Variants in KIAA1671 observed in about 807,000 individuals in gnomAD.
KIAA1671 encodes the protein uncharacterized protein KIAA1671.
KIAA1671 carries 52 observed loss-of-function variants against 131.2 expected under a neutral mutation model. That is an observed-to-expected ratio of 0.40 (90% CI 0.32 to 0.50). KIAA1671 has a LOEUF of 0.50. KIAA1671 is among the 20% of genes least tolerant of loss of function. The pLI is 0.73. For missense variants in KIAA1671, 2,360 were observed against 2,364.2 expected (o/e 1.00, Z 0.04); for synonymous variants, 1,003 against 961.6 (o/e 1.04, Z -0.80).
chr22:25,163,170 A>C (rs1601371705), intron 6 of KIAA1671, among the ~76,000 whole-genome samples: 2 of 151,984 alleles, frequency 1.3e-5, no homozygotes, highest in African/African-American at 4.8e-5. Flanking sequence ...TCTACAAAAA[A>C]TACAAAAATT....
chr22:25,041,079 G>T lies in KIAA1671; in HGVS notation c.3949G>T (p.Asp1317Tyr). ...TCCAGGGGGCTCTCCTATACCTGCG[G>T]ATCCCAGGAAAAAAACGGGGTTTGC... ...RYPGGSPIPA[D>Y]PRKKTGFAED... The change falls in exon 5 of 13, where the codon GAT becomes TAT. Residue 1317 changes from aspartate to tyrosine, a missense_variant. Coordinates refer to ENST00000358431, the MANE Select transcript of KIAA1671 (RefSeq NM_001145206.2). 1 of 1,539,106 alleles carries T rather than the reference G, an allele frequency of 6.5e-7. No homozygotes were observed. The highest frequency in any genetic ancestry group is 8.8e-7 in the Non-Finnish European group (1 of 1,140,664).
chr22:25,122,980 AAAAAC>A (rs1932015802), intron 6 of KIAA1671, among the ~76,000 whole-genome samples: 1 of 151,960 alleles, frequency 6.6e-6, no homozygotes, highest in African/African-American at 2.4e-5. Context: ...ATCTCACAAA[AAAAAC>A]AAAAACAGTC....
At chr22:25,035,192 C>T (rs1279284572) in intron 4 of KIAA1671, among the ~76,000 whole-genome samples, 5 of 151,882 alleles carry the variant, frequency 3.3e-5, no homozygotes, top group East Asian at 3.9e-4. Flanking sequence ...ACTACAGGCA[C>T]GTGCCTCTAT....
At chr22:25,003,040 TG>T (rs2123864507) in intron 1 of KIAA1671, among the ~76,000 whole-genome samples, 1 of 152,308 alleles carries the variant, frequency 6.6e-6, no homozygotes, top group African/African-American at 2.4e-5. Flanking sequence ...CCCAAAGTGC[TG>T]GGATTACAGG....
At chr22:25,007,279 A>C (rs537173901) in intron 1 of KIAA1671, among the ~76,000 whole-genome samples, 5 of 152,190 alleles carry the variant, frequency 3.3e-5, no homozygotes, top group African/African-American at 1.2e-4. Flanking sequence ...CGAGGTCAAG[A>C]GATCGAGACC....
In KIAA1671 at chr22:25,177,328, C is replaced by T. The variant is rs900376520; in HGVS notation, c.4900-20C>T. On this transcript the variant is annotated intron_variant, in intron 8 of 12. Coordinates refer to ENST00000358431, the MANE Select transcript of KIAA1671 (RefSeq NM_001145206.2). Reference sequence around the variant, plus strand: ...TGGTTCCCTTGATTTTTTTCCTCTTCCTCCCTGCTGCTCCCAAAGCAAACC... The same window carrying T: ...TGGTTCCCTTGATTTTTTTCCTCTTTCTCCCTGCTGCTCCCAAAGCAAACC... 22 of 1,530,822 alleles carry T rather than the reference C, an allele frequency of 1.4e-5. 1 individual carries two copies. Among genetic ancestry groups the T allele is most frequent in the South Asian group, 4.9e-5 (4 of 82,304 alleles). 94.8% of individuals were successfully genotyped at this position (1,530,822 alleles called of 1,614,324 possible).
intron 6 of KIAA1671, among the ~76,000 whole-genome samples, chr22:25,108,992 G>A (rs1308736198): frequency 6.6e-6 from 1 of 152,160 alleles, no homozygotes; most frequent in African/African-American, 2.4e-5. Context: ...GGGTTTCTGT[G>A]TGTGACTGCT....
At chr22:25,129,964 G>T (rs1932360967) in intron 6 of KIAA1671, among the ~76,000 whole-genome samples, 1 of 152,178 alleles carries the variant, frequency 6.6e-6, no homozygotes, top group Admixed American at 6.5e-5. Context: ...TAACAGACAG[G>T]GTGCAGTGGC....
chr22:25,110,622 C>T (rs1048280018), intron 6 of KIAA1671, among the ~76,000 whole-genome samples: 1 of 152,218 alleles, frequency 6.6e-6, no homozygotes, highest in East Asian at 1.9e-4. Flanking sequence ...GATCCAGCTG[C>T]TGCCCACCCC....
chr22:25,130,189 G>A (rs767627584), intron 6 of KIAA1671, among the ~76,000 whole-genome samples: 5 of 152,136 alleles, frequency 3.3e-5, no homozygotes, highest in Admixed American at 6.5e-5. Flanking sequence ...ATATTTTGGA[G>A]GTATGATTTA....
At position 25,193,040 on chromosome 22, in the gene KIAA1671, C is replaced by T. The variant is rs971860020; in HGVS notation, c.*639C>T. On this transcript the variant is annotated 3_prime_UTR_variant, in exon 13 of 13. Transcript: ENST00000358431. The stretch of plus-strand genomic sequence containing the variant: ...CTAGTGGGGCTGTGTGCATCGTTGG[C>T]CTATGTTATTGTATGTCATTTTTGT... The T allele has an allele frequency of 3.3e-5, 5 of 151,868 alleles. No homozygotes were observed. The highest frequency in any genetic ancestry group is 1.2e-4 in the African/African-American group (5 of 41,322). 9.4% of individuals were successfully genotyped at this position (151,868 alleles called of 1,614,324 possible).
intron 2 of KIAA1671, among the ~76,000 whole-genome samples, chr22:25,027,691 C>A (rs1432091845): frequency 1.3e-5 from 2 of 152,200 alleles, no homozygotes; most frequent in African/African-American, 4.8e-5. Context: ...GGGGAAAGTC[C>A]TCCAGAGTGT....
intron 10 of KIAA1671, among the ~76,000 whole-genome samples, chr22:25,183,088 A>T (rs1478653128): frequency 6.6e-6 from 1 of 152,152 alleles, no homozygotes; most frequent in Admixed American, 6.5e-5. Context: ...TTCAGACATC[A>T]TGTGCTTGCA....
intron 6 of KIAA1671, among the ~76,000 whole-genome samples, chr22:25,166,680 G>T (rs143088349): frequency 1.2e-4 from 18 of 152,318 alleles, no homozygotes; most frequent in African/African-American, 4.1e-4. Flanking sequence ...GTGCCAGGCA[G>T]TGAGCTTAAC....
intron 1 of KIAA1671, 44 bp from the exon 2 acceptor site, chr22:25,025,589 T>C (rs1925906469): frequency 6.6e-6 from 1 of 152,264 alleles, no homozygotes; most frequent in Non-Finnish European, 1.5e-5. Flanking sequence ...GTTCCCATAC[T>C]GCCAGAACTC....
chr22:24,993,351 A>G (rs948614272), intron 1 of KIAA1671, among the ~76,000 whole-genome samples: 1 of 152,066 alleles, frequency 6.6e-6, no homozygotes, highest in Non-Finnish European at 1.5e-5. Context: ...CTTCTCTCCA[A>G]AGTCAGCCCA....
At chr22:25,097,292 T>G (rs1930435962) in intron 6 of KIAA1671, among the ~76,000 whole-genome samples, 1 of 152,084 alleles carries the variant, frequency 6.6e-6, no homozygotes, top group African/African-American at 2.4e-5. Context: ...TACAATGGTG[T>G]TGTTTCATCA....
chr22:25,181,800 G>A lies in KIAA1671; in HGVS notation c.5176G>A (p.Gly1726Ser). Residue 1726 changes from glycine to serine, a missense_variant, in exon 10 of 13, where the codon GGC (glycine) becomes AGC (serine). This residue lies in a region of KIAA1671 where 1,161 missense variants were observed against 1,204.7 expected (regional missense o/e 0.96). Transcript: ENST00000358431. ...TCCTCAGAGGATGCCTGCGTTTCCAGGCATGGATCCGGCAGTGCTAAAGGT... is the reference window on the plus strand; with the variant it reads ...TCCTCAGAGGATGCCTGCGTTTCCAAGCATGGATCCGGCAGTGCTAAAGGT... ...SHPQRMPAFP[G>S]MDPAVLKAQL... 2 of 1,551,606 alleles carry A rather than the reference G, an allele frequency of 1.3e-6. No homozygotes were observed. Among genetic ancestry groups the A allele is most frequent in the Non-Finnish European group, 1.7e-6 (2 of 1,146,936 alleles).
At position 24,973,321 on chromosome 22, in the gene KIAA1671, T is replaced by C. The variant is rs574735644; in HGVS notation, c.-208+20549T>C. Among the ~76,000 whole-genome samples, 15 of 146,794 alleles carry C rather than the reference T, an allele frequency of 1.0e-4. No individual in the cohort carries two copies. The South Asian group carries it at 3.0e-3, about 29-fold the overall frequency. On this transcript the variant is annotated intron_variant, in intron 1 of 12. Transcript: ENST00000358431. ...GGTGGTGGCACACAGGAAAGGACAG[T>C]CCTCCCCATGACCCGCCCATTCCCT...
Sources: allele counts gnomAD v4.1 joint callset (sites outside exome capture counted in the v4.1 genomes callset), GRCh38; gene constraint gnomAD v4.1.1; regional missense constraint gnomAD v4.1.1; transcripts MANE v1.5; gene names NCBI Gene and HGNC (gene_info 2026-07-23, HGNC 2026-07-21).